METTL2A: variants seen among roughly 807,000 people sequenced by gnomAD.
METTL2A encodes tRNA N(3)-cytidine methyltransferase METTL2A.
Under a neutral mutation model 49.4 loss-of-function variants are expected in METTL2A, and 45 were observed. The ratio of observed to expected loss-of-function variants is 0.91; its 90% CI spans 0.72 to 1.17. METTL2A has a LOEUF of 1.17. METTL2A is among the 50% of genes most tolerant of loss of function. The pLI, the probability that METTL2A is intolerant of heterozygous loss-of-function variation, is 0.00. For synonymous variants in METTL2A, 118 were observed against 167.5 expected, an observed-to-expected ratio of 0.70 and a Z score of 2.28; for missense variants, 361 against 462.2, an observed-to-expected ratio of 0.78 and a Z score of 2.01.
rs1176587048 is a variant in METTL2A at position 62,437,344 on chromosome 17, A to C, written c.669+2052A>C. ...AGAATGTCATAGAACCTAAGGGCACAAAATACAGCCCCAAGTTCCTGGTAT... is the reference window on the plus strand; with the variant it reads ...AGAATGTCATAGAACCTAAGGGCACCAAATACAGCCCCAAGTTCCTGGTAT... On this transcript the variant is annotated intron_variant, in intron 5 of 8. Transcript: ENST00000311506. Among the ~76,000 whole-genome samples the C allele has an allele frequency of 2.6e-5, 4 of 152,152 alleles. No individual in the cohort carries two copies. In the East Asian group the frequency reaches 5.8e-4, roughly 22 times the overall value.
chr17:62,423,993 G>A lies in METTL2A; in HGVS notation c.91G>A (p.Val31Ile), dbSNP rs760110836. The A allele has an allele frequency of 1.9e-6, 3 of 1,613,942 alleles. No homozygotes were observed. The highest frequency in any genetic ancestry group is 1.7e-6 in the Non-Finnish European group (2 of 1,179,986). The change falls in exon 1 of 9, where the codon GTC (valine) becomes ATC (isoleucine). Residue 31 changes from valine (V) to isoleucine (I), a missense_variant. Physicochemically the swap from Val to Ile is conservative, Grantham distance 29. Coordinates refer to ENST00000311506, the MANE Select transcript of METTL2A (RefSeq NM_181725.4). ...CCGGTTCCTGAGAGATCCGGCGCGC[G>A]TCTTCCACCACAATGCCTGGTAATC... is the stretch of plus-strand genomic sequence containing the variant. ...GSRFLRDPARVFHHNAWDNVE... is the reference protein window; with the variant it reads ...GSRFLRDPARIFHHNAWDNVE...
At chr17:62,427,931 G>A (rs1237771748) in intron 4 of METTL2A, 94 bp downstream of exon 4, 1 of 1,259,262 alleles carries the variant, frequency 7.9e-7, no homozygotes, top group Admixed American at 2.5e-5. Context: ...AGCACTTTGG[G>A]AGGCCAAAGC....
intron 4 of METTL2A, among the ~76,000 whole-genome samples, chr17:62,433,222 T>G (rs2070677924): frequency 6.6e-6 from 1 of 151,948 alleles, no homozygotes; most frequent in Admixed American, 6.6e-5. Flanking sequence ...TCACCTGAGG[T>G]CAGGAGTTCA....
intron 1 of METTL2A, 22 bp downstream of exon 1, chr17:62,424,034 C>A: frequency 6.2e-7 from 1 of 1,611,030 alleles, no homozygotes. Context: ...GCCCCTTCGC[C>A]CGGCCTGTCG....
At chr17:62,436,795 G>C (rs2070703152) in intron 5 of METTL2A, among the ~76,000 whole-genome samples, 1 of 152,110 alleles carries the variant, frequency 6.6e-6, no homozygotes, top group Non-Finnish European at 1.5e-5. Flanking sequence ...TTCCTTTCAT[G>C]AAAGATTTCT....
At chr17:62,425,621 G>A (rs909070472) in intron 2 of METTL2A, among the ~76,000 whole-genome samples, 17 of 146,720 alleles carry the variant, frequency 1.2e-4, no homozygotes, top group Admixed American at 4.8e-4. Flanking sequence ...TCCTGACCTC[G>A]TGATCCGCCC....
rs113265588 is a variant in METTL2A, at chr17:62,433,136, CTT to C, written c.609-2095_609-2094del. On this transcript the variant is annotated intron_variant, in intron 4 of 8. Coordinates refer to ENST00000311506, the MANE Select transcript of METTL2A (RefSeq NM_181725.4). ...GGACAACTATATGACCTGTAGAAAA[CTT>C]AAAGAAAAGCACAGGCCAGGCGTGG... Among the ~76,000 whole-genome samples the C allele has an allele frequency of 4.7e-3, 710 of 152,074 alleles. 5 individuals carry two copies. The highest frequency in any genetic ancestry group is 0.016 in the African/African-American group (671 of 41,494).
chr17:62,425,727 G>A (rs1269524557), intron 2 of METTL2A, among the ~76,000 whole-genome samples: 7 of 148,422 alleles, frequency 4.7e-5, no homozygotes, highest in Admixed American at 1.3e-4. Flanking sequence ...CTGGCTGGGC[G>A]CGATGACTCA....
At chr17:62,430,022 A>G (rs561380563) in intron 4 of METTL2A, among the ~76,000 whole-genome samples, 1 of 152,366 alleles carries the variant, frequency 6.6e-6, no homozygotes, top group African/African-American at 2.4e-5. Context: ...TTCTGTATGC[A>G]TTACTGGAAT....
intron 7 of METTL2A, among the ~76,000 whole-genome samples, chr17:62,445,195 A>T (rs954753943): frequency 4.6e-5 from 7 of 151,930 alleles, no homozygotes; most frequent in Non-Finnish European, 1.0e-4. Context: ...CCTAATGTAG[A>T]TGACGGGTTG....
At chr17:62,433,614 C>T (rs977295962) in intron 4 of METTL2A, among the ~76,000 whole-genome samples, 4 of 151,306 alleles carry the variant, frequency 2.6e-5, no homozygotes, top group East Asian at 1.9e-4. Flanking sequence ...GTGGTGGGCA[C>T]CTGTAGTTCC....
chr17:62,435,630 G>A (rs2070695532), intron 5 of METTL2A, among the ~76,000 whole-genome samples: 1 of 152,148 alleles, frequency 6.6e-6, no homozygotes, highest in South Asian at 2.1e-4. Context: ...TGTTATGTAT[G>A]TTATAGTGTG....
At chr17:62,425,237 C>T (rs1388271251) in intron 2 of METTL2A, among the ~76,000 whole-genome samples, 1 of 151,654 alleles carries the variant, frequency 6.6e-6, no homozygotes, top group East Asian at 1.9e-4. Flanking sequence ...TTAGTGGATT[C>T]CAACTTCCAT....
chr17:62,447,895 G>A (rs1167439150), intron 8 of METTL2A, 129 bp downstream of exon 8: 11 of 1,545,252 alleles, frequency 7.1e-6, no homozygotes, highest in Admixed American at 1.9e-5. Flanking sequence ...GCGGTTCCCT[G>A]CTGCTCACAC....
intron 2 of METTL2A, among the ~76,000 whole-genome samples, chr17:62,425,973 C>G (rs1340634765): frequency 2.7e-5 from 4 of 150,518 alleles, no homozygotes; most frequent in African/African-American, 9.8e-5. Context: ...TGCACTCCAG[C>G]CTGGGTGACA....
At chr17:62,434,942 T>C in intron 4 of METTL2A, 1 of 416,008 alleles carries the variant, frequency 2.4e-6, no homozygotes, top group South Asian at 2.7e-5. Flanking sequence ...CAAGCAAGGC[T>C]TCATTTGAGG....
At chr17:62,444,360 A>G (rs2070755437) in intron 6 of METTL2A, among the ~76,000 whole-genome samples, 1 of 152,144 alleles carries the variant, frequency 6.6e-6, no homozygotes, top group African/African-American at 2.4e-5. Flanking sequence ...GCTCACTGCA[A>G]CCTCCACCTC....
intron 5 of METTL2A, among the ~76,000 whole-genome samples, chr17:62,438,615 C>T (rs28406128): frequency 0.033 from 4,953 of 149,876 alleles, 282 homozygotes; most frequent in African/African-American, 0.11. Context: ...CAATTATGTA[C>T]AATGCTGTTA....
At chr17:62,436,146 G>C (rs1197323401) in intron 5 of METTL2A, among the ~76,000 whole-genome samples, 1 of 152,156 alleles carries the variant, frequency 6.6e-6, no homozygotes, top group Non-Finnish European at 1.5e-5. Flanking sequence ...AGGAGGCTGA[G>C]GCAGGAGAAT....
Sources: gnomAD v4.1 joint callset for allele counts (sites outside exome capture counted in the v4.1 genomes callset) on GRCh38, gnomAD v4.1.1 for gene constraint, MANE v1.5 for transcripts, NCBI Gene and HGNC (gene_info 2026-07-23, HGNC 2026-07-21) for gene names.